Variants in FREM1 observed in about 807,000 individuals in gnomAD.
FREM1 encodes the protein FRAS1-related extracellular matrix protein 1.
FREM1 carries 220 observed loss-of-function variants against 210.1 expected under a neutral mutation model. The ratio of observed to expected loss-of-function variants is 1.05; its 90% CI spans 0.94 to 1.17. The LOEUF (loss-of-function observed/expected upper bound fraction) is 1.17, where lower values mean the gene tolerates loss of function less well. Ranked by LOEUF, FREM1 falls within the 50% of genes most tolerant of loss-of-function variation. The probability of loss-of-function intolerance (pLI) is 0.00; values close to 1 mark genes in which losing one functional copy is unlikely to be tolerated. For synonymous variants in FREM1, 1,189 were observed against 980.2 expected (o/e 1.21, Z -3.98); for missense variants, 3,454 against 2,675.5 (o/e 1.29, Z -6.42).
In FREM1 at chr9:14,824,818, G is replaced by C; in HGVS notation, c.2056C>G (p.Pro686Ala). The change falls in exon 11 of 37, where the codon CCA becomes GCA. Residue 686 changes from proline to alanine, a missense_variant. Transcript: ENST00000380880. ...RELVYTITTPPFFSFSHRHLD... is the reference protein window; with the variant it reads ...RELVYTITTPAFFSFSHRHLD... ...TACCTGTGGCTGAAGGAGAAAAATG[G>C]AGGAGTAGTTATTGTGTAGACCAGC... The C allele has an allele frequency of 1.9e-6, 3 of 1,612,090 alleles. No homozygotes were observed. The highest frequency in any genetic ancestry group is 2.5e-6 in the Non-Finnish European group (3 of 1,178,936).
At chr9:14,763,811 T>C (rs1404555320) in intron 27 of FREM1, among the ~76,000 whole-genome samples, 1 of 152,232 alleles carries the variant, frequency 6.6e-6, no homozygotes, top group Admixed American at 6.5e-5. Context: ...TTAGATCCTA[T>C]GTATGCTCCA....
In FREM1 at chr9:14,737,356, G is replaced by A. The variant is rs757256454; in HGVS notation, c.*40C>T. Reference sequence around the variant, plus strand: ...ATTCACAGATCCTGTGAATAAATAGGTGACAAACTCCAGGTGGCCCCCTGT... The same window carrying A: ...ATTCACAGATCCTGTGAATAAATAGATGACAAACTCCAGGTGGCCCCCTGT... On this transcript the variant is annotated 3_prime_UTR_variant, in exon 37 of 37. Transcript: ENST00000380880. 6.7e-7 allele frequency: 1 copy of A among 1,481,522 alleles called. No homozygotes were observed. The allele number at this position is 1,481,522 out of a possible 1,614,324, so 91.8% of individuals were successfully genotyped here. A position where few individuals can be genotyped will look rare whatever the true frequency, so the allele number is the denominator to read the frequency against.
At chr9:14,810,023 T>C (rs1819114811) in intron 16 of FREM1, among the ~76,000 whole-genome samples, 1 of 152,112 alleles carries the variant, frequency 6.6e-6, no homozygotes. Flanking sequence ...TGAAAGAAGA[T>C]GAGTTTTAGC....
At chr9:14,783,660 T>C (rs1849970201) in intron 24 of FREM1, among the ~76,000 whole-genome samples, 1 of 152,240 alleles carries the variant, frequency 6.6e-6, no homozygotes, top group African/African-American at 2.4e-5. Flanking sequence ...GCTCTTGCTT[T>C]ATGTGACTTG....
At chr9:14,758,896 C>T (rs1008129414) in intron 28 of FREM1, among the ~76,000 whole-genome samples, 1 of 152,162 alleles carries the variant, frequency 6.6e-6, no homozygotes, top group Admixed American at 6.5e-5. Flanking sequence ...CTTCATATTT[C>T]AGGGTGCCTG....
At chr9:14,828,329 G>C (rs762936666) in intron 10 of FREM1, among the ~76,000 whole-genome samples, 1 of 152,184 alleles carries the variant, frequency 6.6e-6, no homozygotes, top group Non-Finnish European at 1.5e-5. Context: ...GCCCTGTTGA[G>C]TTTTGGATCC....
At chr9:14,899,787 G>T (rs762995286) in intron 1 of FREM1, among the ~76,000 whole-genome samples, 25 of 152,194 alleles carry the variant, frequency 1.6e-4, no homozygotes, top group Non-Finnish European at 2.6e-4. Context: ...GACAAATACA[G>T]TTCAAACTGT....
At chr9:14,902,225 C>G (rs1340780424) in intron 1 of FREM1, among the ~76,000 whole-genome samples, 1 of 152,210 alleles carries the variant, frequency 6.6e-6, no homozygotes, top group Non-Finnish European at 1.5e-5. Context: ...CCAGATCTCT[C>G]TGGCCACAGA....
chr9:14,859,190 T>C lies in FREM1; in HGVS notation c.624A>G (p.Pro208=), dbSNP rs764961360. 4.4e-6 allele frequency: 7 copies of C among 1,577,320 alleles called. No homozygotes were observed. In the Admixed American group the frequency reaches 7.5e-5, roughly 17 times the overall value. Residue 208 remains proline, a synonymous_variant, in exon 4 of 37, where the codon CCA becomes CCG. Transcript: ENST00000380880. ...CATTAAAAGACATCATACGGGACTC[T>C]GGGAAAAAACTGTGTGGCTGATCTC... ...PRGDQPHSFF[P]ESQLRAKLKC... is the part of the protein sequence containing the mutation.
At chr9:14,800,453 A>G (rs1319448965) in intron 20 of FREM1, among the ~76,000 whole-genome samples, 3 of 152,230 alleles carry the variant, frequency 2.0e-5, no homozygotes, top group Non-Finnish European at 4.4e-5. Context: ...TTAAAAGAGT[A>G]ATTAAAAAAT....
chr9:14,786,701 G>C (rs193228220), intron 23 of FREM1, among the ~76,000 whole-genome samples: 1 of 152,172 alleles, frequency 6.6e-6, no homozygotes, highest in African/African-American at 2.4e-5. Context: ...ATTGGAAAAC[G>C]CTATTTCAGA....
intron 29 of FREM1, 77 bp from the exon 30 acceptor site, chr9:14,750,353 A>G: frequency 6.9e-6 from 8 of 1,162,812 alleles, no homozygotes; most frequent in African/African-American, 1.5e-5. Context: ...ATATTAATTA[A>G]CATGTCTACA....
chr9:14,800,990 GT>G (rs1817173200), intron 20 of FREM1, among the ~76,000 whole-genome samples: 3 of 151,978 alleles, frequency 2.0e-5, no homozygotes, highest in African/African-American at 7.3e-5. Flanking sequence ...GTTTATTTTG[GT>G]TTTTGTTTGT....
intron 21 of FREM1, among the ~76,000 whole-genome samples, chr9:14,796,774 T>A (rs1051827690): frequency 6.6e-6 from 1 of 152,164 alleles, no homozygotes; most frequent in Non-Finnish European, 1.5e-5. Context: ...TCCTCTTCTG[T>A]CATGATTGTA....
Position 14,748,413 on chromosome 9 carries a change from C to T in FREM1, c.5784G>A (p.Gly1928=), listed in dbSNP as rs1053001925. The change falls in exon 31 of 37, where the codon GGG becomes GGA. Residue 1928 remains glycine (G), a synonymous_variant. Transcript: ENST00000380880. ...DLSQRKLRTR[G]NGKTVRPSSV... ...TCCCCATCCTTACTGTTTTGCCATT[C>T]CCACGGGTCCTAAGCTTCCTTTGAG... 39 of 1,607,674 alleles carry T rather than the reference C, an allele frequency of 2.4e-5. No homozygotes were observed. Among genetic ancestry groups the T allele is most frequent in the Non-Finnish European group, 3.2e-5 (38 of 1,174,480 alleles).
At chr9:14,841,164 C>A (rs182648834) in intron 10 of FREM1, among the ~76,000 whole-genome samples, 1 of 152,132 alleles carries the variant, frequency 6.6e-6, no homozygotes, top group Non-Finnish European at 1.5e-5. Context: ...TAAATGTTTT[C>A]TTGAGTGTCG....
chr9:14,773,748 G>T (rs927086900), intron 25 of FREM1, among the ~76,000 whole-genome samples: 1 of 151,924 alleles, frequency 6.6e-6, no homozygotes, highest in Non-Finnish European at 1.5e-5. Flanking sequence ...TCTTTAAGAT[G>T]AGTGTTGGTG....
Position 14,859,310 on chromosome 9 carries a change from G to A in FREM1, c.504C>T (p.Ser168=), listed in dbSNP as rs775097426. The A allele has an allele frequency of 2.5e-6, 4 of 1,613,844 alleles. No individual in the cohort carries two copies. Among genetic ancestry groups the A allele is most frequent in the Non-Finnish European group, 3.4e-6 (4 of 1,179,866 alleles). Reference sequence around the variant, plus strand: ...TGTCCAGGCTGACGGTACATTCCAGGCTAGCCATCCTATCATAATCGAATC... The same window carrying A: ...TGTCCAGGCTGACGGTACATTCCAGACTAGCCATCCTATCATAATCGAATC... ...LLRFDYDRMA[S]LECTVSLDTA... Residue 168 remains serine (S), a synonymous_variant, in exon 4 of 37, where the codon AGC becomes AGT. Coordinates refer to ENST00000380880, the MANE Select transcript of FREM1 (RefSeq NM_001379081.2).
intron 25 of FREM1, 57 bp downstream of exon 25, chr9:14,775,729 AAAT>A: frequency 2.2e-6 from 2 of 910,952 alleles, no homozygotes; most frequent in East Asian, 2.6e-5. Flanking sequence ...AAAAAAAAAA[AAAT>A]TCTCGATGTC....
Sources: gnomAD v4.1 joint callset for allele counts (sites outside exome capture counted in the v4.1 genomes callset) on GRCh38, gnomAD v4.1.1 for gene constraint, MANE v1.5 for transcripts, NCBI Gene and HGNC (gene_info 2026-07-23, HGNC 2026-07-21) for gene names.